Variants in DCC observed in about 807,000 individuals in gnomAD.
DCC encodes DCC netrin 1 receptor, also known as netrin receptor DCC.
DCC carries 58 observed loss-of-function variants against 172.5 expected under a neutral mutation model. That is an observed-to-expected ratio of 0.34 (90% CI 0.27 to 0.42). DCC has a LOEUF of 0.42. Among genes scored for constraint, DCC ranks in the 10% least tolerant of loss-of-function variants. The pLI is 1.00. For missense variants in DCC, 1,740 were observed against 1,791.0 expected (o/e 0.97, Z 0.51); for synonymous variants, 709 against 644.5 (o/e 1.10, Z -1.52).
intron 1 of DCC, among the ~76,000 whole-genome samples, chr18:52,417,190 G>A (rs1987067125): frequency 2.0e-5 from 3 of 152,106 alleles, no homozygotes; most frequent in Non-Finnish European, 2.9e-5. Context: ...TAAGAATGTT[G>A]AATATTGGCC....
At chr18:52,509,299 G>A (rs546125068) in intron 1 of DCC, among the ~76,000 whole-genome samples, 2 of 152,128 alleles carry the variant, frequency 1.3e-5, no homozygotes, top group African/African-American at 4.8e-5. Flanking sequence ...TGATAATTTA[G>A]GTTAAAATAT....
At chr18:52,404,467 C>T (rs560585427) in intron 1 of DCC, among the ~76,000 whole-genome samples, 10 of 151,994 alleles carry the variant, frequency 6.6e-5, no homozygotes, top group South Asian at 2.1e-4. Context: ...ACTTCTGTAA[C>T]GTTAAACATG....
chr18:52,396,281 A>ACCCCCCCCCCCCC (rs34363129), intron 1 of DCC, among the ~76,000 whole-genome samples: 30 of 114,294 alleles, frequency 2.6e-4, no homozygotes, highest in Non-Finnish European at 3.4e-4. Context: ...CCTGCACCAC[A>ACCCCCCCCCCCCC]CCCCCCCCCC....
At chr18:52,506,403 G>A (rs994283102) in intron 1 of DCC, among the ~76,000 whole-genome samples, 1 of 151,924 alleles carries the variant, frequency 6.6e-6, no homozygotes, top group African/African-American at 2.4e-5. Flanking sequence ...GATATAATAG[G>A]GTTTAGCTGG....
chr18:52,671,813 G>C (rs2035559236), intron 1 of DCC, among the ~76,000 whole-genome samples: 1 of 152,022 alleles, frequency 6.6e-6, no homozygotes, highest in Non-Finnish European at 1.5e-5. Flanking sequence ...CAGGATTACA[G>C]GCATGAGTCA....
At chr18:52,615,341 G>C (rs148374564) in intron 1 of DCC, among the ~76,000 whole-genome samples, 9 of 152,112 alleles carry the variant, frequency 5.9e-5, no homozygotes, top group African/African-American at 2.2e-4. Flanking sequence ...TGCTTCTGCC[G>C]TTTAGATTTA....
intron 1 of DCC, among the ~76,000 whole-genome samples, chr18:52,390,242 A>G (rs1985978825): frequency 6.6e-6 from 1 of 152,080 alleles, no homozygotes; most frequent in African/African-American, 2.4e-5. Flanking sequence ...CCCATTTCTC[A>G]GTAATGAAAC....
intron 9 of DCC, among the ~76,000 whole-genome samples, chr18:53,191,391 GATATA>G (rs1399896702): frequency 6.6e-6 from 1 of 151,950 alleles, no homozygotes; most frequent in Non-Finnish European, 1.5e-5. Context: ...TATCACTTTG[GATATA>G]ATATGTTTTG....
intron 1 of DCC, among the ~76,000 whole-genome samples, chr18:52,651,589 ATTGTGT>A: frequency 6.7e-6 from 1 of 148,862 alleles, no homozygotes; most frequent in East Asian, 2.0e-4. Flanking sequence ...CTTTTTATCT[ATTGTGT>A]AATATTGCAT....
intron 7 of DCC, among the ~76,000 whole-genome samples, chr18:53,155,669 G>T (rs1184389448): frequency 2.0e-5 from 3 of 152,182 alleles, no homozygotes; most frequent in African/African-American, 4.8e-5. Context: ...ACTTTCATCA[G>T]CTTTTCATTT....
intron 7 of DCC, among the ~76,000 whole-genome samples, chr18:53,130,406 A>G (rs955902580): frequency 6.6e-6 from 1 of 152,112 alleles, no homozygotes; most frequent in Non-Finnish European, 1.5e-5. Flanking sequence ...AAAGAGGTAT[A>G]GGATTTCTGT....
intron 11 of DCC, among the ~76,000 whole-genome samples, chr18:53,213,053 C>G (rs927214623): frequency 6.6e-6 from 1 of 152,096 alleles, no homozygotes; most frequent in African/African-American, 2.4e-5. Context: ...ACATATATAT[C>G]TATCCTCTTA....
chr18:52,877,357 G>GA (rs2039418900), intron 2 of DCC, among the ~76,000 whole-genome samples: 1 of 151,992 alleles, frequency 6.6e-6, no homozygotes, highest in Non-Finnish European at 1.5e-5. Context: ...TATTGGTCTA[G>GA]AGGGAGGAGG....
intron 1 of DCC, among the ~76,000 whole-genome samples, chr18:52,642,105 CACAT>C (rs1568269897): frequency 2.0e-5 from 3 of 146,352 alleles, no homozygotes; most frequent in African/African-American, 5.1e-5. Flanking sequence ...CACTCACACA[CACAT>C]ACACACATAT....
At chr18:52,689,701 G>C (rs1008576829) in intron 1 of DCC, among the ~76,000 whole-genome samples, 1 of 152,012 alleles carries the variant, frequency 6.6e-6, no homozygotes, top group African/African-American at 2.4e-5. Flanking sequence ...GAAATAAATA[G>C]CTATCTGATT....
intron 3 of DCC, among the ~76,000 whole-genome samples, chr18:52,913,988 C>G (rs2040005322): frequency 6.6e-6 from 1 of 152,000 alleles, no homozygotes; most frequent in South Asian, 2.1e-4. Flanking sequence ...TTTATTGATT[C>G]AACACTGACA....
chr18:53,508,375 C>T (rs1051092986), intron 27 of DCC, among the ~76,000 whole-genome samples: 1 of 151,670 alleles, frequency 6.6e-6, no homozygotes, highest in African/African-American at 2.4e-5. Flanking sequence ...GTATTTTTTG[C>T]AGAGATGAGG....
At chr18:52,549,893 T>A (rs1401928013) in intron 1 of DCC, among the ~76,000 whole-genome samples, 2 of 152,084 alleles carry the variant, frequency 1.3e-5, no homozygotes, top group Non-Finnish European at 2.9e-5. Flanking sequence ...TTTTGAATAA[T>A]CTAAGTAGAT....
chr18:52,541,887 A>ATATATATATATG (rs2032467515), intron 1 of DCC, among the ~76,000 whole-genome samples: 1 of 139,172 alleles, frequency 7.2e-6, no homozygotes, highest in African/African-American at 2.6e-5. Context: ...ATATATATAT[A>ATATATATATATG]TATATATATG....
Sources: allele counts gnomAD v4.1 joint callset (sites outside exome capture counted in the v4.1 genomes callset), GRCh38; gene constraint gnomAD v4.1.1; transcripts MANE v1.5; gene names NCBI Gene and HGNC (gene_info 2026-07-23, HGNC 2026-07-21).